ZNF710: variants seen among roughly 807,000 people sequenced by gnomAD.
ZNF710 encodes the protein zinc finger protein 710.
ZNF710 carries 13 observed loss-of-function variants against 50.6 expected under a neutral mutation model. That is an observed-to-expected ratio of 0.26 (90% CI 0.17 to 0.41). ZNF710 has a LOEUF of 0.41. Ranked by LOEUF, ZNF710 falls within the 10% of genes least tolerant of loss-of-function variation. The pLI, the probability that ZNF710 is intolerant of heterozygous loss-of-function variation, is 1.00. For synonymous variants in ZNF710, 383 were observed against 397.0 expected (o/e 0.96, Z 0.42); for missense variants, 721 against 936.6 (o/e 0.77, Z 3.01).
intron 1 of ZNF710, among the ~76,000 whole-genome samples, chr15:90,017,080 C>G (rs1310657782): frequency 6.6e-6 from 1 of 152,202 alleles, no homozygotes; most frequent in East Asian, 1.9e-4. Flanking sequence ...GGAGCATTTC[C>G]TGGCTCCCTA....
chr15:90,063,682 G>T (rs1038409237), intron 1 of ZNF710, among the ~76,000 whole-genome samples: 1 of 152,162 alleles, frequency 6.6e-6, no homozygotes, highest in Non-Finnish European at 1.5e-5. Flanking sequence ...AAGGGGCCCG[G>T]TGTGGACGGT....
rs369036930 is a variant in ZNF710, at chr15:90,068,052, G to A, written c.915G>A (p.Thr305=). ...GCCGCATGTGCGAGAAGTCCTACAC[G>A]TCCAAGTACAACCTGGTGACGCACA... ...WQCRMCEKSY[T]SKYNLVTHIL... is the part of the protein sequence containing the mutation. The change falls in exon 2 of 5, where the codon ACG becomes ACA. Residue 305 remains threonine (T), a synonymous_variant. Coordinates refer to ENST00000268154, the MANE Select transcript of ZNF710 (RefSeq NM_198526.4). The surrounding 1 kb of genome is among the most constrained non-coding windows in gnomAD (Gnocchi z 5.0). 1.7e-5 allele frequency: 28 copies of A among 1,614,244 alleles called. No individual in the cohort carries two copies. Among genetic ancestry groups the A allele is most frequent in the Non-Finnish European group, 1.9e-5 (22 of 1,180,042 alleles).
At chr15:90,076,645 G>A (rs369752117) in intron 4 of ZNF710, 2 of 151,692 alleles carry the variant, frequency 1.3e-5, no homozygotes, top group African/African-American at 4.9e-5. Flanking sequence ...GGAGGCTGAG[G>A]CAGGAGAATC....
chr15:90,073,151 C>T lies in ZNF710; in HGVS notation c.1539C>T (p.His513=). ...ACATGAAGCGGCACATGCTGATCCA[C>T]ACCAGCGTCCGGCCCTACCAGTGCC... ...QANMKRHMLI[H]TSVRPYQCHI... The change falls in exon 3 of 5, where the codon CAC becomes CAT. Residue 513 remains histidine, a synonymous_variant. Coordinates refer to ENST00000268154, the MANE Select transcript of ZNF710 (RefSeq NM_198526.4). The T allele has an allele frequency of 8.7e-6, 14 of 1,614,222 alleles. No individual in the cohort carries two copies. The highest frequency in any genetic ancestry group is 1.1e-5 in the Non-Finnish European group (13 of 1,180,044).
chr15:90,069,228 CA>C (rs1231164801), intron 2 of ZNF710, among the ~76,000 whole-genome samples: 8,943 of 69,614 alleles, frequency 0.13, 612 homozygotes, highest in African/African-American at 0.29. Context: ...AACTCCATCT[CA>C]AAAAAAAAAA....
chr15:90,061,796 C>T (rs1050606501), intron 1 of ZNF710, among the ~76,000 whole-genome samples: 2 of 152,186 alleles, frequency 1.3e-5, no homozygotes, highest in Non-Finnish European at 2.9e-5. Flanking sequence ...CAATAGTTCC[C>T]GTTCCAAGTA....
intron 1 of ZNF710, among the ~76,000 whole-genome samples, chr15:90,002,775 A>G (rs1469860933): frequency 6.6e-6 from 1 of 152,264 alleles, no homozygotes; most frequent in Non-Finnish European, 1.5e-5. Context: ...TTAAGAGGCC[A>G]GGGAGGTGCT....
rs1004718364 is a variant in ZNF710, at chr15:90,065,540, C to T, written c.-28-1570C>T. Among the ~76,000 whole-genome samples, 7 of 152,252 alleles carry T rather than the reference C, an allele frequency of 4.6e-5. No homozygotes were observed. In the East Asian group the frequency reaches 5.8e-4, roughly 13 times the overall value. On this transcript the variant is annotated intron_variant, in intron 1 of 4. Coordinates refer to ENST00000268154, the MANE Select transcript of ZNF710 (RefSeq NM_198526.4). ...CCAGGAGCAGGTGGACCTCGAGCCA[C>T]GCCTCGGAGGCTGGTGGGAGGAGCA...
At chr15:90,022,200 A>AC (rs1898645547) in intron 1 of ZNF710, among the ~76,000 whole-genome samples, 1 of 151,484 alleles carries the variant, frequency 6.6e-6, no homozygotes, top group African/African-American at 2.4e-5. Context: ...ATATAGTGAA[A>AC]CCCCATCTCT....
chr15:90,035,108 G>A (rs766330983), intron 1 of ZNF710, among the ~76,000 whole-genome samples: 16 of 152,238 alleles, frequency 1.1e-4, no homozygotes, highest in Non-Finnish European at 2.2e-4. Flanking sequence ...GGAGGATGTC[G>A]GGGGCTGGGC....
At chr15:90,029,301 A>G (rs74038918) in intron 1 of ZNF710, among the ~76,000 whole-genome samples, 2,181 of 152,264 alleles carry the variant, frequency 0.014, 55 homozygotes, top group African/African-American at 0.05. Flanking sequence ...GTCATGGGAT[A>G]TATTTACAGG....
chr15:90,074,755 G>A, intron 4 of ZNF710: 1 of 335,668 alleles, frequency 3.0e-6, no homozygotes, highest in Non-Finnish European at 5.6e-6. Context: ...GTTAGAAAGG[G>A]GAAAAAATGG....
Position 90,074,152 on chromosome 15 carries a change from C to G in ZNF710, c.1687C>G (p.Leu563Val). ...GKSFNRMYNL[L>V]GHMHLHAGSK... Reference sequence around the variant, plus strand: ...GTCCTTCAACCGCATGTACAACCTGCTGGGCCACATGCACCTGCACGCCGG... The same window carrying G: ...GTCCTTCAACCGCATGTACAACCTGGTGGGCCACATGCACCTGCACGCCGG... The change falls in exon 4 of 5, where the codon CTG (leucine) becomes GTG (valine). Residue 563 changes from leucine to valine, a missense_variant. Physicochemically the swap from Leu to Val is conservative, Grantham distance 32 (BLOSUM62 1). This residue lies in a region of ZNF710 where 326 missense variants were observed against 522.0 expected (regional missense o/e 0.62). Transcript: ENST00000268154. 1 of 1,613,818 alleles carries G rather than the reference C, an allele frequency of 6.2e-7. No homozygotes were observed. The highest frequency in any genetic ancestry group is 8.5e-7 in the Non-Finnish European group (1 of 1,179,876).
intron 1 of ZNF710, among the ~76,000 whole-genome samples, chr15:90,060,951 A>C (rs1468146046): frequency 6.6e-6 from 1 of 152,170 alleles, no homozygotes; most frequent in Non-Finnish European, 1.5e-5. Flanking sequence ...CAAGATGAGG[A>C]GCCAACAGGC....
chr15:90,044,748 C>T (rs1596285208), intron 1 of ZNF710, among the ~76,000 whole-genome samples: 1 of 152,256 alleles, frequency 6.6e-6, no homozygotes. Flanking sequence ...CAGGCATGTG[C>T]GTGTGCCTGG....
intron 1 of ZNF710, among the ~76,000 whole-genome samples, chr15:90,050,467 A>C (rs1899605073): frequency 6.6e-6 from 1 of 152,070 alleles, no homozygotes; most frequent in East Asian, 1.9e-4. Flanking sequence ...TCTATGGGGG[A>C]AGGGGTCTTC....
chr15:90,055,924 GGGA>G (rs1899799995), intron 1 of ZNF710, among the ~76,000 whole-genome samples: 1 of 151,122 alleles, frequency 6.6e-6, no homozygotes, highest in African/African-American at 2.5e-5. Flanking sequence ...AGACCAGCCT[GGGA>G]AACATGGTGA....
At chr15:90,014,670 A>C (rs1308825114) in intron 1 of ZNF710, among the ~76,000 whole-genome samples, 1 of 152,122 alleles carries the variant, frequency 6.6e-6, no homozygotes, top group East Asian at 1.9e-4. Flanking sequence ...ACTTTCTAAG[A>C]ATGACTTAAA....
intron 1 of ZNF710, among the ~76,000 whole-genome samples, chr15:90,015,346 T>C (rs1270976856): frequency 6.6e-6 from 1 of 152,218 alleles, no homozygotes; most frequent in Non-Finnish European, 1.5e-5. Context: ...TAGTTGTTGA[T>C]AGAGGTGTAA....
Sources: allele counts gnomAD v4.1 joint callset (sites outside exome capture counted in the v4.1 genomes callset), GRCh38; gene constraint gnomAD v4.1.1; regional missense constraint gnomAD v4.1.1; non-coding constraint Gnocchi (gnomAD v3.1); transcripts MANE v1.5; gene names NCBI Gene and HGNC (gene_info 2026-07-23, HGNC 2026-07-21).